TMEM131: variants seen among roughly 807,000 people sequenced by gnomAD.
TMEM131 encodes the protein 2610524E03Rik.
Under a neutral mutation model 211.6 loss-of-function variants are expected in TMEM131, and 66 were observed. That is an observed-to-expected ratio of 0.31 (90% CI 0.26 to 0.38). TMEM131 has a LOEUF of 0.38. Among genes scored for constraint, TMEM131 ranks in the 10% least tolerant of loss-of-function variants. TMEM131 has a pLI of 1.00. For missense variants in TMEM131, 2,036 were observed against 2,299.3 expected, an observed-to-expected ratio of 0.89 and a Z score of 2.34; for synonymous variants, 844 against 841.3, an observed-to-expected ratio of 1.00 and a Z score of -0.06.
At chr2:97,897,224 A>C (rs1471800059) in intron 3 of TMEM131, among the ~76,000 whole-genome samples, 1 of 152,128 alleles carries the variant, frequency 6.6e-6, no homozygotes, top group Non-Finnish European at 1.5e-5. Context: ...GTTTGTAGAC[A>C]AAATCCTTTT....
intron 1 of TMEM131, among the ~76,000 whole-genome samples, chr2:97,989,289 AAAGG>A (rs1680161490): frequency 6.6e-6 from 1 of 152,092 alleles, no homozygotes; most frequent in Non-Finnish European, 1.5e-5. Context: ...AAAAAAAAAA[AAAGG>A]AAGGAACTGT....
At chr2:97,868,649 A>G (rs758143859) in intron 4 of TMEM131, among the ~76,000 whole-genome samples, 42 of 152,172 alleles carry the variant, frequency 2.8e-4, no homozygotes, top group Non-Finnish European at 5.3e-4. Context: ...ATTGCACATT[A>G]TGAGGTCCAC....
At chr2:97,876,605 G>A (rs752131145) in intron 4 of TMEM131, among the ~76,000 whole-genome samples, 1 of 152,052 alleles carries the variant, frequency 6.6e-6, no homozygotes, top group Non-Finnish European at 1.5e-5. Flanking sequence ...AAAAGCCACA[G>A]GATTATCTCA....
At chr2:97,982,177 C>T (rs1679827547) in intron 1 of TMEM131, among the ~76,000 whole-genome samples, 1 of 152,216 alleles carries the variant, frequency 6.6e-6, no homozygotes, top group Admixed American at 6.5e-5. Flanking sequence ...TCTCCGCACC[C>T]TTGCCAACAT....
At position 97,792,853 on chromosome 2, in the gene TMEM131, T is replaced by C. The variant is rs746985849; in HGVS notation, c.3677A>G (p.Asn1226Ser). 4.0e-5 allele frequency: 65 copies of C among 1,613,856 alleles called. No individual in the cohort carries two copies. Among genetic ancestry groups the C allele is most frequent in the Admixed American group, 6.7e-5 (4 of 60,008 alleles). ...GTTTTCCACGTCAGCTGAGTTTCTA[T>C]TGCTGTGACTGCTGTGTGGGTGGAC... ...PSVHPHSSHS[N>S]RNSADVENVR... Residue 1226 changes from asparagine (N) to serine (S), a missense_variant, in exon 31 of 41, where the codon AAT becomes AGT. By Grantham distance (46) the Asn-to-Ser change is conservative. Coordinates refer to ENST00000186436, the MANE Select transcript of TMEM131 (RefSeq NM_015348.2).
chr2:97,761,742 A>G, intron 36 of TMEM131: 2 of 298,864 alleles, frequency 6.7e-6, no homozygotes, highest in South Asian at 1.3e-4. Context: ...AGGCTTAGTA[A>G]ATGTTCATTG....
At chr2:97,977,973 G>A (rs1377922052) in intron 1 of TMEM131, among the ~76,000 whole-genome samples, 1 of 152,144 alleles carries the variant, frequency 6.6e-6, no homozygotes, top group Non-Finnish European at 1.5e-5. Context: ...TGCAATCCCA[G>A]CTACTCGGGA....
chr2:97,803,139 A>G (rs1206049758), intron 22 of TMEM131, among the ~76,000 whole-genome samples: 2 of 152,230 alleles, frequency 1.3e-5, no homozygotes, highest in Admixed American at 6.5e-5. Context: ...TAGATAACCT[A>G]TTTAGAAAAG....
intron 1 of TMEM131, among the ~76,000 whole-genome samples, chr2:97,966,487 A>G (rs1019163284): frequency 5.9e-5 from 9 of 152,184 alleles, no homozygotes. Context: ...GAGGCCAGGA[A>G]TCACCCCTTC....
rs116175947 is a variant in TMEM131 at position 97,917,920 on chromosome 2, C to T, written c.250-9222G>A. Among the ~76,000 whole-genome samples the T allele has an allele frequency of 5.7e-3, 872 of 151,734 alleles. 2 individuals carry two copies. Among genetic ancestry groups the T allele is most frequent in the Non-Finnish European group, 9.9e-3 (675 of 67,894 alleles). On this transcript the variant is annotated intron_variant, in intron 2 of 40. Coordinates refer to ENST00000186436, the MANE Select transcript of TMEM131 (RefSeq NM_015348.2). Reference sequence around the variant, plus strand: ...GTGGGTTGGCTCAAAGCCCAACCCTCTAATCACATGATTGGTTTTTTTCTC... The same window carrying T: ...GTGGGTTGGCTCAAAGCCCAACCCTTTAATCACATGATTGGTTTTTTTCTC...
At chr2:97,924,578 G>A (rs1356551930) in intron 2 of TMEM131, among the ~76,000 whole-genome samples, 2 of 152,192 alleles carry the variant, frequency 1.3e-5, no homozygotes, top group Non-Finnish European at 2.9e-5. Flanking sequence ...CCCACCACCT[G>A]TACAATGGGA....
At chr2:97,837,355 A>C (rs541353975) in intron 7 of TMEM131, among the ~76,000 whole-genome samples, 198 bp from the exon 8 acceptor site, 18 of 152,376 alleles carry the variant, frequency 1.2e-4, no homozygotes, top group Admixed American at 1.0e-3. Flanking sequence ...AATTAAAATA[A>C]GGTAACTTTG....
intron 1 of TMEM131, among the ~76,000 whole-genome samples, chr2:97,929,689 G>A (rs1332834055): frequency 6.6e-6 from 1 of 151,810 alleles, no homozygotes; most frequent in Non-Finnish European, 1.5e-5. Flanking sequence ...TTCAATGACA[G>A]TGCCAACCTG....
Position 97,794,014 on chromosome 2 carries a change from AAC to A in TMEM131, c.3387-463_3387-462del, listed in dbSNP as rs1255422896. Among the ~76,000 whole-genome samples the A allele has an allele frequency of 1.6e-3, 234 of 146,156 alleles. 16 individuals are homozygous for A. The highest frequency in any genetic ancestry group is 3.0e-3 in the East Asian group (15 of 4,990). On this transcript the variant is annotated intron_variant, in intron 29 of 40. Transcript: ENST00000186436. ...GTCTCAAAAAAAAAAAAAAAAAAAAAACAAAAAACCCACAGTTTTATGGATAA... is the reference window on the plus strand; with the variant it reads ...GTCTCAAAAAAAAAAAAAAAAAAAAAAAAAAACCCACAGTTTTATGGATAA...
chr2:97,809,576 A>G, intron 19 of TMEM131, 112 bp downstream of exon 19: 1 of 748,360 alleles, frequency 1.3e-6, no homozygotes, highest in South Asian at 1.7e-5. Context: ...ATGTCTTTAA[A>G]ATAAATGACT....
chr2:97,865,969 G>A (rs1434054281), intron 4 of TMEM131, among the ~76,000 whole-genome samples: 4 of 152,084 alleles, frequency 2.6e-5, no homozygotes, highest in African/African-American at 7.2e-5. Flanking sequence ...TGCAAGCTCC[G>A]CCTCCTGGGT....
At chr2:97,764,218 T>C (rs74855351) in intron 35 of TMEM131, 9,177 of 152,304 alleles carry the variant, frequency 0.06, 573 homozygotes, top group Non-Finnish European at 0.079. Context: ...ACCAACGCTT[T>C]CACCCCAAGG....
intron 1 of TMEM131, among the ~76,000 whole-genome samples, chr2:97,990,134 T>C (rs1412873021): frequency 1.3e-5 from 2 of 152,174 alleles, no homozygotes; most frequent in African/African-American, 2.4e-5. Flanking sequence ...ACCTTAGCAA[T>C]ACAACCAGGT....
At chr2:97,813,172 C>G (rs575462344) in intron 15 of TMEM131, among the ~76,000 whole-genome samples, 1 of 152,250 alleles carries the variant, frequency 6.6e-6, no homozygotes, top group East Asian at 1.9e-4. Flanking sequence ...ATGAAAGAGG[C>G]AGGAAGCTAA....
Sources: gnomAD v4.1 joint callset for allele counts (sites outside exome capture counted in the v4.1 genomes callset) on GRCh38, gnomAD v4.1.1 for gene constraint, MANE v1.5 for transcripts, NCBI Gene and HGNC (gene_info 2026-07-23, HGNC 2026-07-21) for gene names.